DLG2: variants seen among roughly 807,000 people sequenced by gnomAD.
DLG2 encodes discs large MAGUK scaffold protein 2, also known as disks large homolog 2.
A neutral mutation model predicts 132.5 loss-of-function variants in DLG2; 45 were observed. That is an observed-to-expected ratio of 0.34 (90% CI 0.27 to 0.44). The LOEUF (loss-of-function observed/expected upper bound fraction) is 0.44. Among genes scored for constraint, DLG2 ranks in the 20% least tolerant of loss-of-function variants. The probability of loss-of-function intolerance (pLI) is 1.00; values close to 1 mark genes in which losing one functional copy is unlikely to be tolerated. For synonymous variants in DLG2, 424 were observed against 419.6 expected (o/e 1.01, Z -0.13); for missense variants, 1,045 against 1,196.9 (o/e 0.87, Z 1.87).
intron 3 of DLG2, among the ~76,000 whole-genome samples, chr11:85,299,111 A>T (rs1329772210): frequency 6.6e-6 from 1 of 152,212 alleles, no homozygotes; most frequent in East Asian, 1.9e-4. Flanking sequence ...TTCATCAAAC[A>T]TACCATAGCA....
At chr11:84,945,407 A>T (rs2050068882) in intron 6 of DLG2, among the ~76,000 whole-genome samples, 1 of 152,022 alleles carries the variant, frequency 6.6e-6, no homozygotes, top group Non-Finnish European at 1.5e-5. Flanking sequence ...CTTTCCCTCA[A>T]ACAAACAAAC....
At chr11:84,039,969 A>G (rs2096012437) in intron 11 of DLG2, among the ~76,000 whole-genome samples, 1 of 149,148 alleles carries the variant, frequency 6.7e-6, no homozygotes, top group Non-Finnish European at 1.5e-5. Flanking sequence ...TCTGATGGCC[A>G]GTGATGATGA....
chr11:84,236,222 C>A (rs1341970338), intron 8 of DLG2, among the ~76,000 whole-genome samples: 1 of 152,164 alleles, frequency 6.6e-6, no homozygotes, highest in East Asian at 1.9e-4. Flanking sequence ...TTTATTAAAT[C>A]AAACTGCCAT....
intron 6 of DLG2, among the ~76,000 whole-genome samples, chr11:84,855,442 A>G (rs73516921): frequency 0.11 from 16,972 of 152,136 alleles, 1,110 homozygotes; most frequent in Non-Finnish European, 0.15. Flanking sequence ...GCATGAGACA[A>G]TGTAGCTAGA....
chr11:85,105,694 A>G (rs550889150), intron 6 of DLG2, among the ~76,000 whole-genome samples: 2 of 152,078 alleles, frequency 1.3e-5, no homozygotes, highest in Non-Finnish European at 2.9e-5. Flanking sequence ...GCTTCGATTT[A>G]TAAGAGGACT....
intron 6 of DLG2, among the ~76,000 whole-genome samples, chr11:85,027,299 C>G (rs1454162202): frequency 6.7e-6 from 1 of 149,932 alleles, no homozygotes; most frequent in Non-Finnish European, 1.5e-5. Flanking sequence ...TAAGTTAACA[C>G]CAGCAATGTC....
intron 18 of DLG2, among the ~76,000 whole-genome samples, chr11:83,743,922 C>G (rs990772945): frequency 1.3e-5 from 2 of 152,170 alleles, no homozygotes; most frequent in African/African-American, 4.8e-5. Flanking sequence ...TCTTCAGCAT[C>G]TATTCCTACT....
intron 3 of DLG2, among the ~76,000 whole-genome samples, chr11:85,411,055 G>T (rs1398037908): frequency 1.3e-5 from 2 of 151,764 alleles, no homozygotes; most frequent in Non-Finnish European, 2.9e-5. Flanking sequence ...GGGAAAGAAG[G>T]TAAGTGAAAG....
chr11:84,714,752 G>C (rs551373015), intron 6 of DLG2, among the ~76,000 whole-genome samples: 1 of 146,100 alleles, frequency 6.8e-6, no homozygotes, highest in South Asian at 2.2e-4. Flanking sequence ...TTCCTTCCCT[G>C]CTCCTTCTTC....
intron 7 of DLG2, among the ~76,000 whole-genome samples, chr11:84,254,715 T>C (rs2097438073): frequency 6.6e-6 from 1 of 152,208 alleles, no homozygotes. Flanking sequence ...CTCTAGGATG[T>C]AGAGTCTGTG....
chr11:85,345,380 G>C (rs778259967), intron 3 of DLG2, among the ~76,000 whole-genome samples: 4 of 151,922 alleles, frequency 2.6e-5, no homozygotes, highest in Admixed American at 6.6e-5. Context: ...GGTGTGGCTT[G>C]ATAGTGACGT....
intron 3 of DLG2, among the ~76,000 whole-genome samples, chr11:85,531,958 G>C (rs1210299382): frequency 6.6e-6 from 1 of 152,108 alleles, no homozygotes; most frequent in Non-Finnish European, 1.5e-5. Context: ...GGAATTTTGA[G>C]AGACCCAGGA....
chr11:84,235,439 G>C (rs2097146025), intron 8 of DLG2, among the ~76,000 whole-genome samples: 1 of 151,986 alleles, frequency 6.6e-6, no homozygotes, highest in Non-Finnish European at 1.5e-5. Context: ...AGCACTTTGA[G>C]AGCCTAAGGC....
intron 15 of DLG2, among the ~76,000 whole-genome samples, chr11:83,900,261 T>C (rs908138842): frequency 1.1e-4 from 16 of 152,082 alleles, no homozygotes; most frequent in African/African-American, 3.9e-4. Flanking sequence ...GATAATGGGA[T>C]AGAAAATAAA....
chr11:84,036,309 C>T (rs2095861556), intron 11 of DLG2, among the ~76,000 whole-genome samples: 2 of 152,090 alleles, frequency 1.3e-5, no homozygotes, highest in African/African-American at 4.8e-5. Flanking sequence ...TATTGGAAAA[C>T]CAAACTAGCT....
At chr11:83,808,114 C>T (rs2153956694) in intron 17 of DLG2, among the ~76,000 whole-genome samples, 1 of 152,214 alleles carries the variant, frequency 6.6e-6, no homozygotes, top group South Asian at 2.1e-4. Context: ...TTTGCTTTTC[C>T]ATCTCAGTAA....
At chr11:85,509,326 C>G (rs1490734077) in intron 3 of DLG2, among the ~76,000 whole-genome samples, 1 of 152,048 alleles carries the variant, frequency 6.6e-6, no homozygotes, top group Non-Finnish European at 1.5e-5. Flanking sequence ...AGAGGCTAAT[C>G]TCATAAAAGC....
intron 22 of DLG2, 31 bp from the exon 23 acceptor site, chr11:83,472,808 A>C: frequency 1.3e-6 from 2 of 1,587,672 alleles, no homozygotes; most frequent in Non-Finnish European, 1.7e-6. Context: ...AACCACAGTG[A>C]ACTAACAGTC....
chr11:84,774,348 C>A (rs1410645254), intron 6 of DLG2, among the ~76,000 whole-genome samples: 1 of 152,026 alleles, frequency 6.6e-6, no homozygotes, highest in African/African-American at 2.4e-5. Flanking sequence ...GAATCAATAT[C>A]ATTAAAATGG....
Sources: gnomAD v4.1 joint callset for allele counts (sites outside exome capture counted in the v4.1 genomes callset) on GRCh38, gnomAD v4.1.1 for gene constraint, MANE v1.5 for transcripts, NCBI Gene and HGNC (gene_info 2026-07-23, HGNC 2026-07-21) for gene names.